The following TARBP1 variants were observed in gnomAD, a reference collection of about 807,000 sequenced individuals.
TARBP1 encodes the protein tRNA guanosine 2 -O-methyltransferase TARBP1.
In TARBP1, 144 loss-of-function variants were observed where a neutral mutation model predicts 178.6. The observed-to-expected ratio is 0.81, with a 90% CI of 0.70 to 0.93. TARBP1 has a LOEUF of 0.93. TARBP1 is among the 40% of genes least tolerant of loss of function. The pLI is 0.00. For synonymous variants in TARBP1, 787 were observed against 781.0 expected (o/e 1.01, Z -0.13); for missense variants, 2,067 against 2,011.7 (o/e 1.03, Z -0.53).
At chr1:234,467,126 T>C (rs10489897) in intron 4 of TARBP1, among the ~76,000 whole-genome samples, 12,726 of 152,224 alleles carry the variant, frequency 0.084, 928 homozygotes, top group East Asian at 0.27. Context: ...TGAGTCAGAA[T>C]TGAGGCAGTA....
chr1:234,471,893 G>C (rs1280654388), intron 2 of TARBP1, among the ~76,000 whole-genome samples: 1 of 152,158 alleles, frequency 6.6e-6, no homozygotes, highest in Non-Finnish European at 1.5e-5. Context: ...CCACAAACAA[G>C]GTTTGGTGCA....
At position 234,457,820 on chromosome 1, in the gene TARBP1, A is replaced by G. The variant is rs1667436692; in HGVS notation, c.1633-64T>C. On this transcript the variant is annotated intron_variant, in intron 8 of 29. Coordinates refer to ENST00000040877, the MANE Select transcript of TARBP1 (RefSeq NM_005646.4). Reference sequence around the variant, plus strand: ...TAAAATGTTTAATTGAATAAACTAAAACCACTGTGAAGGCAATCAATTCTA... The same window carrying G: ...TAAAATGTTTAATTGAATAAACTAAGACCACTGTGAAGGCAATCAATTCTA... 8.3e-6 allele frequency: 10 copies of G among 1,206,498 alleles called. No homozygotes were observed. The South Asian group carries it at 1.2e-4, about 14-fold the overall frequency. The allele number at this position is 1,206,498 out of a possible 1,614,324, so 74.7% of individuals were successfully genotyped here. A position where few individuals can be genotyped will look rare whatever the true frequency, so the allele number is the denominator to read the frequency against.
At chr1:234,445,071 GC>G (rs1666010785) in intron 12 of TARBP1, among the ~76,000 whole-genome samples, 1 of 152,012 alleles carries the variant, frequency 6.6e-6, no homozygotes, top group Non-Finnish European at 1.5e-5. Context: ...GCCCCAAATT[GC>G]TTCCGTTGAG....
At chr1:234,423,427 G>A (rs1663335881) in intron 20 of TARBP1, among the ~76,000 whole-genome samples, 1 of 151,872 alleles carries the variant, frequency 6.6e-6, no homozygotes, top group Non-Finnish European at 1.5e-5. Context: ...TTCCCCTCCA[G>A]GAACGACCCC....
intron 24 of TARBP1, among the ~76,000 whole-genome samples, chr1:234,402,778 G>C (rs61825875): frequency 0.12 from 18,767 of 151,936 alleles, 1,440 homozygotes; most frequent in Non-Finnish European, 0.18. Flanking sequence ...AGAGAACGGG[G>C]TTTTGCCATG....
At chr1:234,447,685 A>T (rs1446669251) in intron 11 of TARBP1, among the ~76,000 whole-genome samples, 1 of 152,226 alleles carries the variant, frequency 6.6e-6, no homozygotes, top group Non-Finnish European at 1.5e-5. Flanking sequence ...TGTCACGCAA[A>T]TATCCTACCT....
chr1:234,463,261 C>T (rs192187571), intron 6 of TARBP1, among the ~76,000 whole-genome samples: 2 of 152,154 alleles, frequency 1.3e-5, no homozygotes, highest in East Asian at 1.9e-4. Flanking sequence ...GTAGCTGGGA[C>T]TACAGGTACA....
chr1:234,468,134 C>T (rs556978488), intron 3 of TARBP1, among the ~76,000 whole-genome samples: 6 of 124,440 alleles, frequency 4.8e-5, no homozygotes, highest in African/African-American at 2.0e-4. Flanking sequence ...TTCAGTATTC[C>T]GTATTCAGGC....
intron 12 of TARBP1, among the ~76,000 whole-genome samples, chr1:234,446,420 T>C (rs1166583188): frequency 1.3e-5 from 2 of 152,108 alleles, no homozygotes; most frequent in African/African-American, 4.8e-5. Context: ...CAAACAGAAA[T>C]GGATCCTGCT....
chr1:234,467,748 T>G, intron 3 of TARBP1, 98 bp from the exon 4 acceptor site: 5 of 1,213,312 alleles, frequency 4.1e-6, no homozygotes, highest in East Asian at 3.0e-5. Flanking sequence ...ACACAATAAC[T>G]TCATTATAAC....
intron 24 of TARBP1, among the ~76,000 whole-genome samples, chr1:234,403,482 T>G (rs978223747): frequency 2.6e-5 from 4 of 152,228 alleles, no homozygotes; most frequent in African/African-American, 4.8e-5. Flanking sequence ...TCACATTTAC[T>G]TTTCTGTGAT....
intron 6 of TARBP1, among the ~76,000 whole-genome samples, chr1:234,462,582 G>C (rs973001936): frequency 6.6e-6 from 1 of 151,686 alleles, no homozygotes; most frequent in South Asian, 2.1e-4. Flanking sequence ...CCAGCTACTC[G>C]GGAGGCTGAG....
intron 14 of TARBP1, among the ~76,000 whole-genome samples, chr1:234,430,819 A>G (rs1294035258): frequency 1.3e-5 from 2 of 152,248 alleles, no homozygotes; most frequent in African/African-American, 2.4e-5. Context: ...AGCTGGACTC[A>G]GGAACCACAA....
intron 20 of TARBP1, 40 bp from the exon 21 acceptor site, chr1:234,420,852 A>G: frequency 8.3e-7 from 1 of 1,205,036 alleles, no homozygotes; most frequent in Non-Finnish European, 1.2e-6. Flanking sequence ...TAAATTATCT[A>G]TTGAATTTGT....
chr1:234,398,648 T>C, intron 25 of TARBP1, 95 bp from the exon 26 acceptor site: 1 of 940,384 alleles, frequency 1.1e-6, no homozygotes, highest in Non-Finnish European at 1.5e-6. Context: ...AATGATATAT[T>C]CTCCAAACTA....
At position 234,459,385 on chromosome 1, in the gene TARBP1, G is replaced by A. The variant is rs533426014; in HGVS notation, c.1536-59C>T. ...TTCCCAAAGACAATTCTGATAATTTGTGATTATCAACAAGTTGATTTATAA... is the reference window on the plus strand; with the variant it reads ...TTCCCAAAGACAATTCTGATAATTTATGATTATCAACAAGTTGATTTATAA... On this transcript the variant is annotated intron_variant, in intron 7 of 29. Coordinates refer to ENST00000040877, the MANE Select transcript of TARBP1 (RefSeq NM_005646.4). 9 of 1,304,844 alleles carry A rather than the reference G, an allele frequency of 6.9e-6. No individual in the cohort carries two copies. The African/African-American group carries it at 1.0e-4, about 15-fold the overall frequency. The allele number at this position is 1,304,844 out of a possible 1,614,324, so 80.8% of individuals were successfully genotyped here.
chr1:234,404,440 C>T (rs921866266), intron 24 of TARBP1, among the ~76,000 whole-genome samples: 5 of 151,656 alleles, frequency 3.3e-5, no homozygotes, highest in Non-Finnish European at 5.9e-5. Flanking sequence ...AATGCAAATG[C>T]GATCCTGAGA....
At chr1:234,436,334 T>TG (rs1665030757) in intron 13 of TARBP1, among the ~76,000 whole-genome samples, 1 of 152,220 alleles carries the variant, frequency 6.6e-6, no homozygotes, top group South Asian at 2.1e-4. Flanking sequence ...GATATTTAAA[T>TG]GACTTCTTGG....
At chr1:234,431,130 C>T (rs960942693) in intron 14 of TARBP1, among the ~76,000 whole-genome samples, 1 of 152,164 alleles carries the variant, frequency 6.6e-6, no homozygotes, top group African/African-American at 2.4e-5. Flanking sequence ...ACAGCAGTTC[C>T]CTCAAATACT....
Sources: gnomAD v4.1 joint callset for allele counts (sites outside exome capture counted in the v4.1 genomes callset) on GRCh38, gnomAD v4.1.1 for gene constraint, MANE v1.5 for transcripts, NCBI Gene and HGNC (gene_info 2026-07-23, HGNC 2026-07-21) for gene names.